Variants in ACTN4 observed in about 807,000 individuals in gnomAD.
ACTN4 encodes the protein alpha-actinin-4.
A neutral mutation model predicts 114.2 loss-of-function variants in ACTN4; 18 were observed. The ratio of observed to expected loss-of-function variants is 0.16; its 90% CI spans 0.11 to 0.23. The LOEUF is 0.23. Among genes scored for constraint, ACTN4 ranks in the 10% least tolerant of loss-of-function variants. The pLI is 1.00. For missense variants in ACTN4, 722 were observed against 1,262.9 expected, an observed-to-expected ratio of 0.57 and a Z score of 6.49; for synonymous variants, 515 against 506.3, an observed-to-expected ratio of 1.02 and a Z score of -0.23.
chr19:38,730,374 G>C lies in ACTN4; in HGVS notation c.*942G>C, dbSNP rs1244340174. ...GTGGGTCTCTGGGGACCCTCCAGAG[G>C]TGGAGGTGGGCTGATGGCCTGGCTG... On this transcript the variant is annotated 3_prime_UTR_variant, in exon 21 of 21. Coordinates refer to ENST00000252699, the MANE Select transcript of ACTN4 (RefSeq NM_004924.6). The C allele has an allele frequency of 5.3e-6, 1 of 189,874 alleles. No individual in the cohort carries two copies. Among genetic ancestry groups the C allele is most frequent in the East Asian group, 1.4e-4 (1 of 6,966 alleles). The allele number at this position is 189,874 out of a possible 1,614,324, so 11.8% of individuals were successfully genotyped here.
intron 6 of ACTN4, among the ~76,000 whole-genome samples, chr19:38,709,046 G>T (rs1283576660): frequency 6.6e-6 from 1 of 152,182 alleles, no homozygotes; most frequent in African/African-American, 2.4e-5. Context: ...GCTCTCTCAG[G>T]CCTGGCCCAC....
chr19:38,712,669 G>A (rs1448319771), intron 8 of ACTN4, among the ~76,000 whole-genome samples: 1 of 152,068 alleles, frequency 6.6e-6, no homozygotes, highest in East Asian at 1.9e-4. Context: ...ACACTCCCGC[G>A]GGAGGGTGGG....
chr19:38,673,578 C>T lies in ACTN4; in HGVS notation c.162+25671C>T, dbSNP rs8182558. On this transcript the variant is annotated intron_variant, in intron 1 of 20. Coordinates refer to ENST00000252699, the MANE Select transcript of ACTN4 (RefSeq NM_004924.6). ...ATACTTATATATATTTATATATATTCATATATATTTATATATATTCATATA... is the reference window on the plus strand; with the variant it reads ...ATACTTATATATATTTATATATATTTATATATATTTATATATATTCATATA... Among the ~76,000 whole-genome samples the T allele has an allele frequency of 2.1e-3, 85 of 39,766 alleles. 1 individual carries two copies. Among genetic ancestry groups the T allele is most frequent in the African/African-American group, 3.6e-3 (46 of 12,626 alleles). 26.1% of individuals were successfully genotyped at this position (39,766 alleles called of 152,430 possible).
chr19:38,727,430 G>A lies in ACTN4; in HGVS notation c.2337+327G>A, dbSNP rs1261059011. ...CTGTGAACCTGGACACAGACACCCC[G>A]CACAGTGCTTTTAGAATTCAGATTT... On this transcript the variant is annotated intron_variant, in intron 18 of 20. Coordinates refer to ENST00000252699, the MANE Select transcript of ACTN4 (RefSeq NM_004924.6). The surrounding 1 kb of genome is among the most constrained non-coding windows in gnomAD (Gnocchi z 5.4). 2.0e-5 allele frequency among the ~76,000 whole-genome samples: 3 copies of A among 152,082 alleles called. No individual in the cohort carries two copies. Among genetic ancestry groups the A allele is most frequent in the East Asian group, 3.9e-4 (2 of 5,194 alleles).
At chr19:38,687,181 C>A (rs138140047) in intron 1 of ACTN4, among the ~76,000 whole-genome samples, 1 of 151,958 alleles carries the variant, frequency 6.6e-6, no homozygotes, top group African/African-American at 2.4e-5. Flanking sequence ...TAGTTCAAGA[C>A]GGCTGGTCTT....
At chr19:38,662,889 C>G (rs1370224995) in intron 1 of ACTN4, among the ~76,000 whole-genome samples, 2 of 150,170 alleles carry the variant, frequency 1.3e-5, no homozygotes, top group Non-Finnish European at 3.0e-5. Flanking sequence ...GAATTAGGGG[C>G]TGCTGAGCAA....
Position 38,727,791 on chromosome 19 carries a change from G to A in ACTN4, c.2338-155G>A, listed in dbSNP as rs908674099. The A allele has an allele frequency of 1.7e-5, 12 of 709,018 alleles. No individual in the cohort carries two copies. The highest frequency in any genetic ancestry group is 1.4e-4 in the Admixed American group (6 of 44,020). The allele number at this position is 709,018 out of a possible 1,614,324, so 43.9% of individuals were successfully genotyped here. A position where few individuals can be genotyped will look rare whatever the true frequency, so the allele number is the denominator to read the frequency against. On this transcript the variant is annotated intron_variant, in intron 18 of 20. Transcript: ENST00000252699. The surrounding 1 kb of genome is among the most constrained non-coding windows in gnomAD (Gnocchi z 5.4). Reference sequence around the variant, plus strand: ...GGGCCCGTGCCGCCCCCGACCCCACGTGTCCCTGGCCATCTCCTTGTCCAT... The same window carrying A: ...GGGCCCGTGCCGCCCCCGACCCCACATGTCCCTGGCCATCTCCTTGTCCAT...
At chr19:38,677,919 G>A (rs1448896182) in intron 1 of ACTN4, among the ~76,000 whole-genome samples, 3 of 152,062 alleles carry the variant, frequency 2.0e-5, no homozygotes, top group Non-Finnish European at 4.4e-5. Flanking sequence ...TAGAGACAAT[G>A]TTTCACCATG....
chr19:38,673,691 TTA>T lies in ACTN4; in HGVS notation c.162+25792_162+25793del, dbSNP rs1438293108. ...ATATATATTTATATATTTATATATA[TTA>T]TATATATTTATATATTTATATATTT... On this transcript the variant is annotated intron_variant, in intron 1 of 20. Coordinates refer to ENST00000252699, the MANE Select transcript of ACTN4 (RefSeq NM_004924.6). Among the ~76,000 whole-genome samples, 40 of 70,164 alleles carry T rather than the reference TTA, an allele frequency of 5.7e-4. 4 individuals are homozygous for T. Among genetic ancestry groups the T allele is most frequent in the South Asian group, 2.5e-3 (6 of 2,368 alleles). 46.0% of individuals were successfully genotyped at this position (70,164 alleles called of 152,430 possible).
chr19:38,678,649 C>T (rs1257180094), intron 1 of ACTN4, among the ~76,000 whole-genome samples: 1 of 152,180 alleles, frequency 6.6e-6, no homozygotes, highest in African/African-American at 2.4e-5. Flanking sequence ...CCATGGGACC[C>T]AGGGCGACAC....
intron 1 of ACTN4, among the ~76,000 whole-genome samples, chr19:38,673,617 T>TTA (rs1336521803): frequency 1.5e-5 from 1 of 67,400 alleles, no homozygotes; most frequent in East Asian, 3.7e-4. Flanking sequence ...TCATTTATAT[T>TTA]TATATATATT....
intron 1 of ACTN4, among the ~76,000 whole-genome samples, chr19:38,668,191 G>A (rs148516280): frequency 1.0e-3 from 154 of 152,274 alleles, no homozygotes; most frequent in Middle Eastern, 6.8e-3. Flanking sequence ...CCCCCTTCCT[G>A]TGCCCCTCCT....
chr19:38,728,338 C>T lies in ACTN4; in HGVS notation c.2418+312C>T, dbSNP rs1969319787. 4 of 1,472,724 alleles carry T rather than the reference C, an allele frequency of 2.7e-6. No individual in the cohort carries two copies. In the South Asian group the frequency reaches 4.8e-5, roughly 18 times the overall value. 91.2% of individuals were successfully genotyped at this position (1,472,724 alleles called of 1,614,324 possible). A position where few individuals can be genotyped will look rare whatever the true frequency, so the allele number is the denominator to read the frequency against. On this transcript the variant is annotated intron_variant, in intron 19 of 20. Transcript: ENST00000252699. The stretch of plus-strand genomic sequence containing the variant: ...CAGAAGCAGACAGGCAGCATGGACT[C>T]CGATGACTTCAGGGCTCTGCTTATC...
At chr19:38,650,348 G>A (rs1976524222) in intron 1 of ACTN4, among the ~76,000 whole-genome samples, 1 of 152,086 alleles carries the variant, frequency 6.6e-6, no homozygotes, top group Admixed American at 6.6e-5. Context: ...TGAGGCTGGG[G>A]CACCATTCAG....
Position 38,708,097 on chromosome 19 carries a change from C to G in ACTN4, c.573-20C>G. 1 of 1,613,950 alleles carries G rather than the reference C, an allele frequency of 6.2e-7. No individual in the cohort carries two copies. The highest frequency in any genetic ancestry group is 1.7e-5 in the Admixed American group (1 of 60,028). ...GACAGTGAGCGGGCCCTCCTATAACCTTTGCCTTTCCTTCCCCAGCTGGAA... is the reference window on the plus strand; with the variant it reads ...GACAGTGAGCGGGCCCTCCTATAACGTTTGCCTTTCCTTCCCCAGCTGGAA... On this transcript the variant is annotated intron_variant, in intron 5 of 20. Transcript: ENST00000252699.
At chr19:38,667,708 A>G (rs539337907) in intron 1 of ACTN4, among the ~76,000 whole-genome samples, 1 of 146,228 alleles carries the variant, frequency 6.8e-6, no homozygotes, top group African/African-American at 2.5e-5. Flanking sequence ...TCTTCCACCA[A>G]AAAAAAAAAA....
intron 1 of ACTN4, among the ~76,000 whole-genome samples, chr19:38,652,236 CTG>C (rs1322120616): frequency 6.6e-6 from 1 of 152,096 alleles, no homozygotes; most frequent in Non-Finnish European, 1.5e-5. Flanking sequence ...AGAAAAAAGA[CTG>C]TGTAAATATG....
intron 8 of ACTN4, 132 bp downstream of exon 8, chr19:38,710,474 C>G (rs1968610007): frequency 1.0e-6 from 1 of 962,240 alleles, no homozygotes; most frequent in Admixed American, 1.8e-5. Context: ...CCACCCCCAG[C>G]TCCCTGGCGT....
Position 38,717,018 on chromosome 19 carries a change from C to T in ACTN4, c.913-68C>T. 1 of 1,512,886 alleles carries T rather than the reference C, an allele frequency of 6.6e-7. No homozygotes were observed. Among genetic ancestry groups the T allele is most frequent in the Non-Finnish European group, 9.0e-7 (1 of 1,111,562 alleles). The allele number at this position is 1,512,886 out of a possible 1,614,324, so 93.7% of individuals were successfully genotyped here. On this transcript the variant is annotated intron_variant, in intron 9 of 20. Coordinates refer to ENST00000252699, the MANE Select transcript of ACTN4 (RefSeq NM_004924.6). The surrounding 1 kb of genome is among the most constrained non-coding windows in gnomAD (Gnocchi z 4.0). ...GATCCAGATCCCATGTGCCCATAAGCTGGGGGGCAGCCCGTCAGCACTCTG... is the reference window on the plus strand; with the variant it reads ...GATCCAGATCCCATGTGCCCATAAGTTGGGGGGCAGCCCGTCAGCACTCTG...
Sources: allele counts gnomAD v4.1 joint callset (sites outside exome capture counted in the v4.1 genomes callset), GRCh38; gene constraint gnomAD v4.1.1; non-coding constraint Gnocchi (gnomAD v3.1); transcripts MANE v1.5; gene names NCBI Gene and HGNC (gene_info 2026-07-23, HGNC 2026-07-21).